Variants in CIC observed in about 807,000 individuals in gnomAD.
The protein encoded by CIC is protein capicua homolog.
Under a neutral mutation model 115.7 loss-of-function variants are expected in CIC, and 18 were observed. That is an observed-to-expected ratio of 0.16 (90% CI 0.11 to 0.23). The LOEUF (loss-of-function observed/expected upper bound fraction) is 0.23. Ranked by LOEUF, CIC falls within the 10% of genes least tolerant of loss-of-function variation. The pLI is 1.00. For synonymous variants in CIC, 1,076 were observed against 923.0 expected (o/e 1.17, Z -3.01); for missense variants, 2,000 against 2,159.3 (o/e 0.93, Z 1.46).
chr19:42,295,165 C>T lies in CIC; in HGVS notation c.7528C>T (p.Pro2510Ser). The T allele has an allele frequency of 1.4e-6, 2 of 1,442,274 alleles. No homozygotes were observed. The highest frequency in any genetic ancestry group is 1.9e-6 in the Non-Finnish European group (2 of 1,072,826). 89.3% of individuals were successfully genotyped at this position (1,442,274 alleles called of 1,614,324 possible). ...CCAGCCCTCCCCCCCACCCCCAGGT[C>T]CCTCCACAGCTGCCACAGGCAGGTG... ...APQPSPPPPG[P>S]STAATGR Residue 2510 changes from proline (P) to serine (S), a missense_variant, in exon 21 of 21, where the codon CCC becomes TCC. By Grantham distance (74) the Pro-to-Ser change is moderately conservative (BLOSUM62 -1). This residue lies in a region of CIC where 133 missense variants were observed against 116.0 expected (regional missense o/e 1.15). Transcript: ENST00000681038.
intron 2 of CIC, among the ~76,000 whole-genome samples, chr19:42,283,527 G>T (rs746225164): frequency 1.3e-5 from 2 of 152,120 alleles, no homozygotes; most frequent in Non-Finnish European, 2.9e-5. Flanking sequence ...GAGATAATGG[G>T]TGTGGCACGA....
chr19:42,291,895 T>C, intron 12 of CIC, 150 bp downstream of exon 12: 1 of 1,293,382 alleles, frequency 7.7e-7, no homozygotes, highest in Non-Finnish European at 1.1e-6. Flanking sequence ...CCTGACTCTC[T>C]CAAGTCCTCA....
Position 42,295,277 on chromosome 19 carries a change from G to T in CIC, c.*86G>T. The stretch of plus-strand genomic sequence containing the variant: ...GGGCAGGAAGGTTATCTCCTCCCGG[G>T]TAAAGCCATTTCGTCCTCTCCAGTT... On this transcript the variant is annotated 3_prime_UTR_variant, in exon 21 of 21. Coordinates refer to ENST00000681038, the MANE Select transcript of CIC (RefSeq NM_001386298.1). The T allele has an allele frequency of 1.6e-6, 2 of 1,241,296 alleles. No homozygotes were observed. The highest frequency in any genetic ancestry group is 2.3e-6 in the Non-Finnish European group (2 of 888,230). 76.9% of individuals were successfully genotyped at this position (1,241,296 alleles called of 1,614,324 possible). A position where few individuals can be genotyped will look rare whatever the true frequency, so the allele number is the denominator to read the frequency against.
In CIC at chr19:42,292,568, G is replaced by C. The variant is rs776273659; in HGVS notation, c.5905G>C (p.Gly1969Arg). Residue 1969 changes from glycine to arginine, a missense_variant and splice_region_variant, in exon 15 of 21, where the codon GGC (glycine) becomes CGC (arginine). Physicochemically the swap from Gly to Arg is moderately radical, Grantham distance 125. Coordinates refer to ENST00000681038, the MANE Select transcript of CIC (RefSeq NM_001386298.1). ...GCTTCTTCTTCTCTGTCTTTCAGCA[G>C]GCCAAGCCCCACTGCTGGCTCCCGG... The part of the protein sequence containing the change: ...PAFVQPLLSA[G>R]QAPLLAPGQV... The C allele has an allele frequency of 1.2e-6, 2 of 1,613,116 alleles. No individual in the cohort carries two copies. The highest frequency in any genetic ancestry group is 1.7e-5 in the Admixed American group (1 of 60,018).
At position 42,273,109 on chromosome 19, in the gene CIC, G is replaced by A. The variant is rs771292827; in HGVS notation, c.1326G>A (p.Ser442=). The A allele has an allele frequency of 5.9e-4, 234 of 398,666 alleles. No homozygotes were observed. Among genetic ancestry groups the A allele is most frequent in the Admixed American group, 1.2e-3 (28 of 22,732 alleles). 24.7% of individuals were successfully genotyped at this position (398,666 alleles called of 1,614,324 possible). Residue 442 remains serine, a synonymous_variant, in exon 2 of 21, where the codon TCG becomes TCA. Transcript: ENST00000681038. ...CCGGCCGCCCTGGCGAGCAGCCCTC[G>A]CCCTGCCAGGAGGGGAGCCAGGGCG... ...VGPGRPGEQP[S]PCQEGSQGGS... is the part of the protein sequence containing the mutation.
intron 2 of CIC, chr19:42,284,145 G>T (rs2037418920): frequency 6.7e-6 from 1 of 148,262 alleles, no homozygotes; most frequent in African/African-American, 2.4e-5. Context: ...CCCGCCCGGG[G>T]CCGGAGGTCG....
At chr19:42,269,648 G>C (rs935381059) in intron 1 of CIC, among the ~76,000 whole-genome samples, 3 of 151,670 alleles carry the variant, frequency 2.0e-5, no homozygotes, top group Non-Finnish European at 4.4e-5. Context: ...GACAGAGTTG[G>C]AGAGTGTGAC....
At chr19:42,288,280 G>T (rs1568506627) in intron 7 of CIC, among the ~76,000 whole-genome samples, 1 of 152,202 alleles carries the variant, frequency 6.6e-6, no homozygotes, top group Non-Finnish European at 1.5e-5. Flanking sequence ...ATTTCTAGAA[G>T]AAGAAACTGA....
In CIC at chr19:42,291,283, G is replaced by A. The variant is rs2147270749; in HGVS notation, c.5242G>A (p.Ala1748Thr). 1 of 1,612,704 alleles carries A rather than the reference G, an allele frequency of 6.2e-7. No individual in the cohort carries two copies. The highest frequency in any genetic ancestry group is 8.5e-7 in the Non-Finnish European group (1 of 1,179,812). The change falls in exon 11 of 21, where the codon GCA becomes ACA. Residue 1748 changes from alanine (A) to threonine (T), a missense_variant. By Grantham distance (58) the Ala-to-Thr change is moderately conservative. This residue lies in a region of CIC where 1,466 missense variants were observed against 1,390.4 expected (regional missense o/e 1.05). Coordinates refer to ENST00000681038, the MANE Select transcript of CIC (RefSeq NM_001386298.1). Reference protein sequence around the residue: ...LPTLPQQLQVAPAPAPAPGTK... With the variant: ...LPTLPQQLQVTPAPAPAPGTK... ...CACGCTGCCCCAGCAGCTTCAGGTG[G>A]CACCTGCCCCAGCACCAGCCCCTGG...
intron 2 of CIC, among the ~76,000 whole-genome samples, chr19:42,275,275 C>T (rs1233338370): frequency 6.6e-6 from 1 of 152,218 alleles, no homozygotes; most frequent in Non-Finnish European, 1.5e-5. Flanking sequence ...CTCATCTTTA[C>T]CACTGTGTCC....
intron 8 of CIC, 36 bp from the exon 9 acceptor site, chr19:42,289,145 A>G (rs368960431): frequency 6.2e-7 from 1 of 1,613,200 alleles, no homozygotes; most frequent in South Asian, 1.1e-5. Context: ...CCAGGGCAGC[A>G]GCCCCGCTGA....
Position 42,295,141 on chromosome 19 carries a change from C to CCCG in CIC, c.7504_7505insCCG (p.Gln2502delinsProGlu). 20 of 1,430,032 alleles carry CCCG rather than the reference C, an allele frequency of 1.4e-5. No homozygotes were observed. Among genetic ancestry groups the CCCG allele is most frequent in the South Asian group, 2.6e-5 (2 of 75,482 alleles). The allele number at this position is 1,430,032 out of a possible 1,614,324, so 88.6% of individuals were successfully genotyped here. On this transcript the variant is annotated protein_altering_variant, in exon 21 of 21. Transcript: ENST00000681038. ...ACAGCCTGGCTGGGAGGGGGCTCCC[C>CCCG]AGCCCTCCCCCCCACCCCCAGGTCC...
intron 12 of CIC, 118 bp from the exon 13 acceptor site, chr19:42,291,968 C>A: frequency 6.7e-7 from 1 of 1,489,376 alleles, no homozygotes; most frequent in Non-Finnish European, 9.3e-7. Context: ...CCATCCTGTT[C>A]TCACCCCAAG....
chr19:42,278,425 A>T (rs1335981017), intron 2 of CIC, among the ~76,000 whole-genome samples: 1 of 151,962 alleles, frequency 6.6e-6, no homozygotes, highest in Non-Finnish European at 1.5e-5. Context: ...CTGGTCTCCT[A>T]TTTCTAGGTC....
At chr19:42,293,894 T>C (rs1313438035) in intron 17 of CIC, 41 bp from the exon 18 acceptor site, 2 of 1,612,898 alleles carry the variant, frequency 1.2e-6, no homozygotes, top group African/African-American at 2.7e-5. Flanking sequence ...TGGGAGCAGC[T>C]GCAGGCTGAG....
At chr19:42,278,232 G>A (rs1293380393) in intron 2 of CIC, among the ~76,000 whole-genome samples, 4 of 152,238 alleles carry the variant, frequency 2.6e-5, no homozygotes, top group African/African-American at 7.2e-5. Flanking sequence ...AGAGGATCCC[G>A]CCCCAGGGCC....
chr19:42,288,515 T>G (rs935127812), intron 7 of CIC, among the ~76,000 whole-genome samples: 1 of 152,050 alleles, frequency 6.6e-6, no homozygotes, highest in African/African-American at 2.4e-5. Context: ...TTCTGTGAGG[T>G]TAGATGGATA....
At position 42,292,940 on chromosome 19, in the gene CIC, A is replaced by G. The variant is rs1252021744; in HGVS notation, c.6197-16A>G. 1.6e-5 allele frequency: 25 copies of G among 1,612,892 alleles called. No individual in the cohort carries two copies. Among genetic ancestry groups the G allele is most frequent in the East Asian group, 1.1e-4 (5 of 44,810 alleles). On this transcript the variant is annotated splice_polypyrimidine_tract_variant and intron_variant, in intron 15 of 20. Coordinates refer to ENST00000681038, the MANE Select transcript of CIC (RefSeq NM_001386298.1). ...CCAGTCAGGCCTGGCTCAGCAAACA[A>G]TTTTCTCCCCACTAGCAGGTTCCAT...
At chr19:42,277,383 C>T (rs948599156) in intron 2 of CIC, among the ~76,000 whole-genome samples, 5 of 152,182 alleles carry the variant, frequency 3.3e-5, no homozygotes, top group African/African-American at 1.2e-4. Flanking sequence ...GAGTGTGCCA[C>T]CACGCCCGGC....
Sources: gnomAD v4.1 joint callset for allele counts (sites outside exome capture counted in the v4.1 genomes callset) on GRCh38, gnomAD v4.1.1 for gene constraint, gnomAD v4.1.1 regional missense constraint, MANE v1.5 for transcripts, NCBI Gene and HGNC (gene_info 2026-07-23, HGNC 2026-07-21) for gene names.